Variants in PCM1 observed in about 807,000 individuals in gnomAD.
PCM1 encodes the protein pericentriolar material 1, also known as pericentriolar material 1 protein.
In PCM1, 157 loss-of-function variants were observed where a neutral mutation model predicts 241.9. That is an observed-to-expected ratio of 0.65 (90% CI 0.57 to 0.74). The LOEUF is 0.74. Ranked by LOEUF, PCM1 falls within the 30% of genes least tolerant of loss-of-function variation. The pLI is 0.00. For synonymous variants in PCM1, 1,085 were observed against 784.9 expected, an observed-to-expected ratio of 1.38 and a Z score of -6.39; for missense variants, 3,478 against 2,360.1, an observed-to-expected ratio of 1.47 and a Z score of -9.81.
intron 29 of PCM1, among the ~76,000 whole-genome samples, chr8:17,994,735 AACAGAGGT>A: frequency 6.6e-6 from 1 of 151,706 alleles, no homozygotes; most frequent in African/African-American, 2.4e-5. Flanking sequence ...GTGCCATTTT[AACAGAGGT>A]GAGATGATTT....
rs2074213746 is a variant in PCM1 at position 17,964,893 on chromosome 8, T to G, written c.2855+125T>G. ...CTACAACTCAATTCAATTTTTACAC[T>G]AACTACTCAGAGTTAGTGCAGACCC... On this transcript the variant is annotated intron_variant, in intron 18 of 38. Transcript: ENST00000325083. 2.5e-5 allele frequency: 17 copies of G among 693,314 alleles called. No homozygotes were observed. The South Asian group carries it at 3.1e-4, about 13-fold the overall frequency. The allele number at this position is 693,314 out of a possible 1,614,324, so 42.9% of individuals were successfully genotyped here.
chr8:17,988,021 G>C (rs551583908), intron 26 of PCM1, among the ~76,000 whole-genome samples: 1 of 151,764 alleles, frequency 6.6e-6, no homozygotes, highest in East Asian at 1.9e-4. Context: ...CTCTTGCCTA[G>C]GGAAGAGAGA....
chr8:17,996,685 T>C (rs989029407), intron 29 of PCM1, among the ~76,000 whole-genome samples: 1 of 152,218 alleles, frequency 6.6e-6, no homozygotes, highest in Admixed American at 6.5e-5. Context: ...ATCTGTTATA[T>C]GTATGTTTTT....
At chr8:17,952,691 C>T (rs1425174537) in intron 8 of PCM1, among the ~76,000 whole-genome samples, 2 of 150,874 alleles carry the variant, frequency 1.3e-5, no homozygotes, top group African/African-American at 2.4e-5. Flanking sequence ...GATACTACAC[C>T]ATTTTATATA....
In PCM1 at chr8:17,960,358, C is replaced by G; in HGVS notation, c.2236C>G (p.Leu746Val). ...EAKLQQQQRE[L>V]KQLQEERKKL... ...TAAACTACAGCAGCAACAGAGAGAG[C>G]TAAAACAATTGCAGGAAGAAAGAAA... Residue 746 changes from leucine (L) to valine (V), a missense_variant, in exon 15 of 39, where the codon CTA becomes GTA. Transcript: ENST00000325083. 1 of 1,601,528 alleles carries G rather than the reference C, an allele frequency of 6.2e-7. No homozygotes were observed. The highest frequency in any genetic ancestry group is 8.5e-7 in the Non-Finnish European group (1 of 1,176,394).
intron 2 of PCM1, among the ~76,000 whole-genome samples, chr8:17,928,941 C>T (rs1178544863): frequency 2.6e-5 from 4 of 152,088 alleles, no homozygotes; most frequent in Non-Finnish European, 2.9e-5. Context: ...CAGTATCTCC[C>T]TCCTTACCAA....
chr8:17,962,785 C>A (rs2073060197), intron 16 of PCM1, among the ~76,000 whole-genome samples: 1 of 146,508 alleles, frequency 6.8e-6, no homozygotes, highest in Non-Finnish European at 1.5e-5. Flanking sequence ...CGCCTGTAAT[C>A]CCAGCTACTC....
intron 29 of PCM1, among the ~76,000 whole-genome samples, chr8:18,004,795 A>G (rs1011096006): frequency 6.6e-6 from 1 of 152,162 alleles, no homozygotes; most frequent in Non-Finnish European, 1.5e-5. Context: ...TCTTCTTTCT[A>G]GTAGCATGAC....
rs1439265167 is a variant in PCM1 at position 18,025,615 on chromosome 8, G to C, written c.6006G>C (p.Gln2002His). ...TATCTGGTGAAATATGTGAAATGCA[G>C]ACCGAAGAATTAGCTGGAAATTCTG... ...NHLSGEICEM[Q>H]TEELAGNSET... Residue 2002 changes from glutamine to histidine, a missense_variant, in exon 38 of 39, where the codon CAG becomes CAC. Coordinates refer to ENST00000325083, the MANE Select transcript of PCM1 (RefSeq NM_006197.4). 1.3e-6 allele frequency: 2 copies of C among 1,579,132 alleles called. No homozygotes were observed. The highest frequency in any genetic ancestry group is 1.7e-6 in the Non-Finnish European group (2 of 1,161,512).
intron 7 of PCM1, 145 bp downstream of exon 7, chr8:17,947,508 T>C (rs147068410): frequency 4.9e-4 from 289 of 593,952 alleles, no homozygotes; most frequent in African/African-American, 4.8e-3. Context: ...TTTCCTGTGC[T>C]TTTCTCTGGT....
rs751229400 is a variant in PCM1 at position 17,960,337 on chromosome 8, C to G, written c.2215C>G (p.Leu739Val). ...TAGAGAGAAATTTTATGAGGCTAAA[C>G]TACAGCAGCAACAGAGAGAGCTAAA... ...KAREKFYEAK[L>V]QQQQRELKQL... Residue 739 changes from leucine (L) to valine (V), a missense_variant, in exon 15 of 39, where the codon CTA becomes GTA. Transcript: ENST00000325083. 2 of 1,595,126 alleles carry G rather than the reference C, an allele frequency of 1.3e-6. No homozygotes were observed. Among genetic ancestry groups the G allele is most frequent in the South Asian group, 1.2e-5 (1 of 86,402 alleles).
At chr8:17,959,268 A>T (rs1200439147) in intron 13 of PCM1, among the ~76,000 whole-genome samples, 1 of 151,966 alleles carries the variant, frequency 6.6e-6, no homozygotes, top group Non-Finnish European at 1.5e-5. Flanking sequence ...CTATATAATT[A>T]TAAGTAATTA....
At chr8:17,929,830 C>T (rs149944134) in intron 2 of PCM1, among the ~76,000 whole-genome samples, 124 of 152,220 alleles carry the variant, frequency 8.1e-4, no homozygotes, top group African/African-American at 2.8e-3. Flanking sequence ...AGATTAGGCT[C>T]AGTAAGAGAT....
In PCM1 at chr8:17,937,223, T is replaced by C. The variant is rs755054414; in HGVS notation, c.186T>C (p.Asn62=). The change falls in exon 4 of 39, where the codon AAT becomes AAC. Residue 62 remains asparagine, a synonymous_variant. Coordinates refer to ENST00000325083, the MANE Select transcript of PCM1 (RefSeq NM_006197.4). ...FGVESDKRVT[N]DISPESSPGV... is the part of the protein sequence containing the mutation. ...TAGAAAGTGATAAAAGAGTAACCAA[T>C]GATATTTCTCCGGAGTCGTCACCAG... 2 of 1,607,616 alleles carry C rather than the reference T, an allele frequency of 1.2e-6. No homozygotes were observed. The highest frequency in any genetic ancestry group is 2.2e-5 in the South Asian group (2 of 90,132).
intron 5 of PCM1, 106 bp from the exon 6 acceptor site, chr8:17,939,585 T>A (rs776088700): frequency 6.7e-5 from 36 of 538,356 alleles, no homozygotes; most frequent in Non-Finnish European, 1.0e-4. Context: ...TCTTTGGTTA[T>A]CTTCGAAATA....
chr8:18,015,487 A>G (rs1438097685), intron 36 of PCM1, among the ~76,000 whole-genome samples: 1 of 152,164 alleles, frequency 6.6e-6, no homozygotes, highest in East Asian at 1.9e-4. Flanking sequence ...TAACATATGG[A>G]TATGTGACTA....
At chr8:17,929,462 G>T (rs903914557) in intron 2 of PCM1, among the ~76,000 whole-genome samples, 3 of 152,136 alleles carry the variant, frequency 2.0e-5, no homozygotes, top group Non-Finnish European at 4.4e-5. Flanking sequence ...GAGATAGATC[G>T]CTATTTGTCA....
In PCM1 at chr8:18,027,892, G is replaced by A. The variant is rs543388625; in HGVS notation, c.*230G>A. 1.3e-3 allele frequency: 442 copies of A among 350,972 alleles called. 1 individual carries two copies. The highest frequency in any genetic ancestry group is 1.9e-3 in the Non-Finnish European group (370 of 194,580). The allele number at this position is 350,972 out of a possible 1,614,324, so 21.7% of individuals were successfully genotyped here. On this transcript the variant is annotated 3_prime_UTR_variant, in exon 39 of 39. Transcript: ENST00000325083. ...TTTTTTTTTCCCCCTTCTTTTTTGGGTCTTCATTTTTTTCCCCATTGTGAT... is the reference window on the plus strand; with the variant it reads ...TTTTTTTTTCCCCCTTCTTTTTTGGATCTTCATTTTTTTCCCCATTGTGAT...
chr8:17,986,504 A>G (rs1214242766), intron 26 of PCM1, among the ~76,000 whole-genome samples: 1 of 151,550 alleles, frequency 6.6e-6, no homozygotes, highest in South Asian at 2.1e-4. Context: ...AGCCTAGACA[A>G]AAGTCTTCCA....
Sources: gnomAD v4.1 joint callset for allele counts (sites outside exome capture counted in the v4.1 genomes callset) on GRCh38, gnomAD v4.1.1 for gene constraint, MANE v1.5 for transcripts, NCBI Gene and HGNC (gene_info 2026-07-23, HGNC 2026-07-21) for gene names.